WASF2: variants seen among roughly 807,000 people sequenced by gnomAD.
WASF2 encodes actin-binding protein WASF2.
WASF2 carries 14 observed loss-of-function variants against 45.0 expected under a neutral mutation model. The observed-to-expected ratio is 0.31, with a 90% CI of 0.21 to 0.49. The LOEUF is 0.49. WASF2 is among the 20% of genes least tolerant of loss of function. WASF2 has a pLI of 0.99. For synonymous variants in WASF2, 200 were observed against 236.3 expected (o/e 0.85, Z 1.41); for missense variants, 439 against 636.1 (o/e 0.69, Z 3.33).
intron 1 of WASF2, among the ~76,000 whole-genome samples, chr1:27,454,539 C>T (rs753242640): frequency 3.9e-5 from 6 of 152,046 alleles, no homozygotes; most frequent in East Asian, 3.9e-4. Flanking sequence ...GGTCTTCTTA[C>T]GTTGTCCAGG....
At chr1:27,413,019 T>C (rs1402157435) in intron 6 of WASF2, among the ~76,000 whole-genome samples, 1 of 152,168 alleles carries the variant, frequency 6.6e-6, no homozygotes, top group Non-Finnish European at 1.5e-5. Flanking sequence ...AACCCAGCAG[T>C]TCTTTTAAAT....
In WASF2 at chr1:27,408,180, CAG is replaced by C; in HGVS notation, c.*7_*8del. ...AAAGAAAAAGAAGGTGGGCAGCAGG[CAG>C]AAAGAGTTAATCGGACCAGTCGTCC... On this transcript the variant is annotated 3_prime_UTR_variant, in exon 9 of 9. Transcript: ENST00000618852. The C allele has an allele frequency of 6.2e-7, 1 of 1,607,572 alleles. No individual in the cohort carries two copies.
intron 1 of WASF2, among the ~76,000 whole-genome samples, chr1:27,474,036 C>A (rs890581638): frequency 6.6e-6 from 1 of 152,174 alleles, no homozygotes; most frequent in Non-Finnish European, 1.5e-5. Flanking sequence ...CTGGAGAAAG[C>A]CCACACAGAT....
At chr1:27,477,411 A>G (rs894195667) in intron 1 of WASF2, among the ~76,000 whole-genome samples, 5 of 152,128 alleles carry the variant, frequency 3.3e-5, no homozygotes, top group South Asian at 2.1e-4. Flanking sequence ...GTGTTGACAC[A>G]TGCCTACAAT....
intron 1 of WASF2, among the ~76,000 whole-genome samples, chr1:27,445,436 G>A (rs150589824): frequency 7.9e-5 from 12 of 152,220 alleles, no homozygotes; most frequent in East Asian, 1.9e-4. Flanking sequence ...AGACAAATAC[G>A]CCCATAGTTC....
chr1:27,419,117 A>C, intron 2 of WASF2, 29 bp from the exon 3 acceptor site: 1 of 1,608,796 alleles, frequency 6.2e-7, no homozygotes, highest in Middle Eastern at 1.7e-4. Flanking sequence ...CCAAGTCACT[A>C]GTGCATAGAA....
chr1:27,440,242 G>A (rs1178486665), intron 1 of WASF2, among the ~76,000 whole-genome samples: 1 of 152,162 alleles, frequency 6.6e-6, no homozygotes, highest in African/African-American at 2.4e-5. Flanking sequence ...TGTTAAAATG[G>A]GGTGGGTATG....
At chr1:27,463,062 C>T (rs987444957) in intron 1 of WASF2, among the ~76,000 whole-genome samples, 5 of 152,106 alleles carry the variant, frequency 3.3e-5, no homozygotes, top group East Asian at 1.9e-4. Flanking sequence ...TCAAGTGATC[C>T]GCCTGCCTGG....
intron 8 of WASF2, 127 bp from the exon 9 acceptor site, chr1:27,408,473 T>C: frequency 2.3e-6 from 3 of 1,304,780 alleles, no homozygotes; most frequent in Non-Finnish European, 3.1e-6. Context: ...AAAAGAAGGT[T>C]GTTATGGAAA....
intron 1 of WASF2, among the ~76,000 whole-genome samples, chr1:27,443,064 C>A (rs936818404): frequency 1.3e-5 from 2 of 149,060 alleles, no homozygotes; most frequent in Admixed American, 1.3e-4. Context: ...CTCTAGAGGC[C>A]GAGATGGGGG....
At chr1:27,468,552 A>T (rs2017646308) in intron 1 of WASF2, among the ~76,000 whole-genome samples, 1 of 151,750 alleles carries the variant, frequency 6.6e-6, no homozygotes, top group African/African-American at 2.4e-5. Context: ...GAGGTAGGAG[A>T]ATCATTTGAA....
At chr1:27,433,015 G>A (rs1439361981) in intron 1 of WASF2, among the ~76,000 whole-genome samples, 1 of 152,052 alleles carries the variant, frequency 6.6e-6, no homozygotes, top group Non-Finnish European at 1.5e-5. Flanking sequence ...TTCCCACCTT[G>A]GCCTCCCAAA....
At chr1:27,443,456 C>A (rs2017270737) in intron 1 of WASF2, among the ~76,000 whole-genome samples, 1 of 151,624 alleles carries the variant, frequency 6.6e-6, no homozygotes. Context: ...TCTACTAAAC[C>A]ACAAAAACTA....
intron 1 of WASF2, among the ~76,000 whole-genome samples, chr1:27,477,911 T>TAAAAAAAAAAAAAA (rs1182335929): frequency 8.4e-6 from 1 of 118,952 alleles, no homozygotes; most frequent in African/African-American, 4.1e-5. Flanking sequence ...AAAAAAAAAA[T>TAAAAAAAAAAAAAA]AAATAAATAA....
At position 27,439,798 on chromosome 1, in the gene WASF2, A is replaced by G. The variant is rs555117235; in HGVS notation, c.-43-10865T>C. On this transcript the variant is annotated intron_variant, in intron 1 of 8. Coordinates refer to ENST00000618852, the MANE Select transcript of WASF2 (RefSeq NM_006990.5). ...AGGATCACTTCAGCCTAGGAGGTCA[A>G]GATTAGCCTGGGCAACATGGTGAGA... 1.2e-3 allele frequency among the ~76,000 whole-genome samples: 179 copies of G among 151,906 alleles called. 1 individual carries two copies. The highest frequency in any genetic ancestry group is 4.3e-3 in the African/African-American group (177 of 41,418).
At chr1:27,457,060 G>C (rs1298685893) in intron 1 of WASF2, 1 of 151,722 alleles carries the variant, frequency 6.6e-6, no homozygotes, top group Non-Finnish European at 1.5e-5. Flanking sequence ...TTTTCTAGTA[G>C]AGATGGGGTG....
At chr1:27,460,848 A>T (rs1432501043) in intron 1 of WASF2, among the ~76,000 whole-genome samples, 1 of 152,176 alleles carries the variant, frequency 6.6e-6, no homozygotes, top group East Asian at 1.9e-4. Context: ...TAACCTTAGA[A>T]AAGTTTTTGG....
In WASF2 at chr1:27,410,340, A is replaced by G; in HGVS notation, c.825-134T>C. 6.9e-7 allele frequency: 1 copy of G among 1,455,114 alleles called. No homozygotes were observed. The highest frequency in any genetic ancestry group is 9.1e-7 in the Non-Finnish European group (1 of 1,100,204). The allele number at this position is 1,455,114 out of a possible 1,614,324, so 90.1% of individuals were successfully genotyped here. ...TCACTTTCACTTAAACAGAAAGAAAAGCCTACAGATGGTCATAACAGACCA... is the reference window on the plus strand; with the variant it reads ...TCACTTTCACTTAAACAGAAAGAAAGGCCTACAGATGGTCATAACAGACCA... On this transcript the variant is annotated intron_variant, in intron 7 of 8. Transcript: ENST00000618852. This position sits in a 1 kb window ranked among gnomAD's most constrained non-coding sequence, Gnocchi z 4.2.
chr1:27,443,359 G>C (rs2480222), intron 1 of WASF2, among the ~76,000 whole-genome samples: 7 of 145,606 alleles, frequency 4.8e-5, no homozygotes, highest in African/African-American at 1.3e-4. Context: ...CATGCCTGTA[G>C]TCCCAGCACT....
Sources: allele counts gnomAD v4.1 joint callset (sites outside exome capture counted in the v4.1 genomes callset), GRCh38; gene constraint gnomAD v4.1.1; non-coding constraint Gnocchi (gnomAD v3.1); transcripts MANE v1.5; gene names NCBI Gene and HGNC (gene_info 2026-07-23, HGNC 2026-07-21).